Variants in RALGPS2 observed in about 807,000 individuals in gnomAD.
RALGPS2 encodes Ral GEF with PH domain and SH3 binding motif 2.
RALGPS2 carries 43 observed loss-of-function variants against 86.8 expected under a neutral mutation model. The observed-to-expected ratio is 0.50, with a 90% CI of 0.39 to 0.64. The LOEUF (loss-of-function observed/expected upper bound fraction) is 0.64, where lower values mean the gene tolerates loss of function less well. Among genes scored for constraint, RALGPS2 ranks in the 30% least tolerant of loss-of-function variants. The pLI is 0.00. For missense variants in RALGPS2, 536 were observed against 694.6 expected (o/e 0.77, Z 2.57); for synonymous variants, 243 against 231.3 (o/e 1.05, Z -0.46).
intron 1 of RALGPS2, among the ~76,000 whole-genome samples, chr1:178,732,506 G>A (rs1028970980): frequency 2.0e-5 from 3 of 151,996 alleles, no homozygotes; most frequent in African/African-American, 7.2e-5. Context: ...CACCATGTTA[G>A]CCAGGATGGT....
intron 8 of RALGPS2, among the ~76,000 whole-genome samples, chr1:178,868,912 C>A (rs1307735808): frequency 6.6e-6 from 1 of 151,820 alleles, no homozygotes; most frequent in East Asian, 1.9e-4. Flanking sequence ...AGACTAGCTA[C>A]GTCAGGAGTA....
chr1:178,912,978 C>A (rs1660679131), intron 19 of RALGPS2, among the ~76,000 whole-genome samples: 1 of 152,022 alleles, frequency 6.6e-6, no homozygotes, highest in Admixed American at 6.5e-5. Context: ...TTAATGCTTC[C>A]AATTGCATTA....
chr1:178,883,115 T>C (rs971758876), intron 10 of RALGPS2, among the ~76,000 whole-genome samples: 4 of 152,188 alleles, frequency 2.6e-5, no homozygotes, highest in Non-Finnish European at 4.4e-5. Context: ...TTAATGTATT[T>C]TCCCTTCCTA....
At chr1:178,853,074 C>T (rs942526191) in intron 8 of RALGPS2, 4 of 1,450,378 alleles carry the variant, frequency 2.8e-6, no homozygotes, top group Admixed American at 5.1e-5. Flanking sequence ...GTAATGTGAG[C>T]TTCCATTTTA....
intron 4 of RALGPS2, among the ~76,000 whole-genome samples, chr1:178,806,612 T>C (rs1165165916): frequency 6.6e-6 from 1 of 152,172 alleles, no homozygotes; most frequent in Non-Finnish European, 1.5e-5. Context: ...TATTTTTTAT[T>C]TCTAAAAGCT....
chr1:178,755,643 G>T (rs1651917943), intron 1 of RALGPS2, among the ~76,000 whole-genome samples: 1 of 152,126 alleles, frequency 6.6e-6, no homozygotes, highest in South Asian at 2.1e-4. Flanking sequence ...ATAGTGCTGT[G>T]ATGAACATAT....
chr1:178,835,703 C>G (rs1382176171), intron 8 of RALGPS2, among the ~76,000 whole-genome samples: 1 of 152,048 alleles, frequency 6.6e-6, no homozygotes, highest in Non-Finnish European at 1.5e-5. Context: ...GTAGTGATGT[C>G]TTCTAATTAA....
In RALGPS2 at chr1:178,776,551, G is replaced by A. The variant is rs1001814209; in HGVS notation, c.-83-131G>A. The A allele has an allele frequency of 7.8e-6, 3 of 385,604 alleles. No individual in the cohort carries two copies. The South Asian group carries it at 1.8e-4, about 23-fold the overall frequency. The allele number at this position is 385,604 out of a possible 1,614,324, so 23.9% of individuals were successfully genotyped here. ...CAAGATTGTCCTCAGTTTGGATTTAGCGACTGAGCTAAGATAATAAATAGA... is the reference window on the plus strand; with the variant it reads ...CAAGATTGTCCTCAGTTTGGATTTAACGACTGAGCTAAGATAATAAATAGA... On this transcript the variant is annotated intron_variant, in intron 1 of 19. Coordinates refer to ENST00000367635, the MANE Select transcript of RALGPS2 (RefSeq NM_152663.5).
chr1:178,746,356 ATATT>A (rs891632702), intron 1 of RALGPS2, among the ~76,000 whole-genome samples: 18 of 152,252 alleles, frequency 1.2e-4, no homozygotes, highest in African/African-American at 4.1e-4. Flanking sequence ...TTTAACAAAA[ATATT>A]TAATGCTGCC....
rs781145410 is a variant in RALGPS2, at chr1:178,906,909, G to A, written c.1722+42G>A. ...ATTCTCAGAATAGTCCATAATTTGGGAACATATGTAAAAGAGTTCCAAGAG... is the reference window on the plus strand; with the variant it reads ...ATTCTCAGAATAGTCCATAATTTGGAAACATATGTAAAAGAGTTCCAAGAG... On this transcript the variant is annotated intron_variant, in intron 19 of 19. Coordinates refer to ENST00000367635, the MANE Select transcript of RALGPS2 (RefSeq NM_152663.5). The A allele has an allele frequency of 8.3e-6, 13 of 1,565,254 alleles. No individual in the cohort carries two copies. In the South Asian group the frequency reaches 1.1e-4, roughly 14 times the overall value.
At chr1:178,767,349 G>A in intron 1 of RALGPS2, among the ~76,000 whole-genome samples, 1 of 132,278 alleles carries the variant, frequency 7.6e-6, no homozygotes. Context: ...TGAAGTTGCT[G>A]TCCTTTGGCT....
intron 19 of RALGPS2, among the ~76,000 whole-genome samples, chr1:178,914,166 A>G (rs1461002376): frequency 6.6e-6 from 1 of 152,094 alleles, no homozygotes; most frequent in African/African-American, 2.4e-5. Context: ...GCAGTTAGCA[A>G]AGGTCAGAGC....
intron 13 of RALGPS2, among the ~76,000 whole-genome samples, chr1:178,887,418 A>C (rs897860923): frequency 6.6e-6 from 1 of 152,230 alleles, no homozygotes; most frequent in Non-Finnish European, 1.5e-5. Context: ...GCAGCACTGC[A>C]CTACCCTGCC....
chr1:178,800,725 C>T lies in RALGPS2; in HGVS notation c.214-7320C>T, dbSNP rs541166871. On this transcript the variant is annotated intron_variant, in intron 4 of 19. Transcript: ENST00000367635. ...TTAAAAGTTAGATGTGGGTTTTCAA[C>T]TGTTCGGAGGGTCAGTGCCCCTAAC... 5.9e-5 allele frequency among the ~76,000 whole-genome samples: 9 copies of T among 152,196 alleles called. No homozygotes were observed. The South Asian group carries it at 1.9e-3, about 32-fold the overall frequency.
chr1:178,864,147 C>T (rs979427048), intron 8 of RALGPS2, among the ~76,000 whole-genome samples: 6 of 151,948 alleles, frequency 3.9e-5, no homozygotes, highest in Non-Finnish European at 7.4e-5. Flanking sequence ...GTTTAGTAAA[C>T]TGAAACAAAG....
chr1:178,800,546 T>G (rs182450513), intron 4 of RALGPS2, among the ~76,000 whole-genome samples: 5 of 152,314 alleles, frequency 3.3e-5, no homozygotes, highest in African/African-American at 1.2e-4. Flanking sequence ...AATGACATTT[T>G]ATTTTCTCTA....
At chr1:178,792,405 G>A (rs1038286482) in intron 4 of RALGPS2, among the ~76,000 whole-genome samples, 1 of 151,924 alleles carries the variant, frequency 6.6e-6, no homozygotes, top group East Asian at 1.9e-4. Flanking sequence ...TCCCATTGAC[G>A]TTACCTCCTA....
chr1:178,809,683 T>C (rs965061163), intron 5 of RALGPS2, among the ~76,000 whole-genome samples: 1 of 152,044 alleles, frequency 6.6e-6, no homozygotes, highest in Non-Finnish European at 1.5e-5. Flanking sequence ...TGGACTGTCA[T>C]TTGGGGAGCA....
Position 178,747,165 on chromosome 1 carries a change from G to C in RALGPS2, c.-84+21746G>C, listed in dbSNP as rs61743269. 2,202 of 1,018,604 alleles carry C rather than the reference G, an allele frequency of 2.2e-3. 28 individuals carry two copies. In the African/African-American group the frequency reaches 0.028, roughly 13 times the overall value. 63.1% of individuals were successfully genotyped at this position (1,018,604 alleles called of 1,614,324 possible). On this transcript the variant is annotated intron_variant, in intron 1 of 19. Transcript: ENST00000367635. ...ATCAAAACAAGACAAGTGTCTACCAGAGAGAAGGTGCTGGAGCGTCCAGTG... is the reference window on the plus strand; with the variant it reads ...ATCAAAACAAGACAAGTGTCTACCACAGAGAAGGTGCTGGAGCGTCCAGTG...
Sources: gnomAD v4.1 joint callset for allele counts (sites outside exome capture counted in the v4.1 genomes callset) on GRCh38, gnomAD v4.1.1 for gene constraint, MANE v1.5 for transcripts, NCBI Gene and HGNC (gene_info 2026-07-23, HGNC 2026-07-21) for gene names.